VPS13B: variants seen among roughly 807,000 people sequenced by gnomAD.
VPS13B encodes the protein vacuolar protein sorting 13 homolog B.
Under a neutral mutation model 426.4 loss-of-function variants are expected in VPS13B, and 285 were observed. That is an observed-to-expected ratio of 0.67 (90% CI 0.61 to 0.74). The LOEUF (loss-of-function observed/expected upper bound fraction) is 0.74. Ranked by LOEUF, VPS13B falls within the 30% of genes least tolerant of loss-of-function variation. The probability of loss-of-function intolerance (pLI) is 0.00; values close to 1 mark genes in which losing one functional copy is unlikely to be tolerated. For synonymous variants in VPS13B, 1,676 were observed against 1,676.4 expected, an observed-to-expected ratio of 1.00 and a Z score of 0.01; for missense variants, 4,537 against 4,782.6, an observed-to-expected ratio of 0.95 and a Z score of 1.51.
chr8:99,372,149 G>C lies in VPS13B; in HGVS notation c.2825-12059G>C, dbSNP rs552325294. Among the ~76,000 whole-genome samples the C allele has an allele frequency of 4.6e-5, 7 of 151,554 alleles. No homozygotes were observed. In the South Asian group the frequency reaches 1.5e-3, roughly 32 times the overall value. On this transcript the variant is annotated intron_variant, in intron 19 of 61. Transcript: ENST00000357162. ...GCCTGTAGTCCCAGCTACTCGGGAG[G>C]CTGAGGCAGGAGAATGGCGTGAACC...
At chr8:99,503,224 A>G (rs1563765013) in intron 27 of VPS13B, among the ~76,000 whole-genome samples, 1 of 152,204 alleles carries the variant, frequency 6.6e-6, no homozygotes, top group Non-Finnish European at 1.5e-5. Flanking sequence ...GTATTTTAAA[A>G]TGTACATACC....
chr8:99,198,709 G>T (rs943318607), intron 17 of VPS13B, among the ~76,000 whole-genome samples: 2 of 152,042 alleles, frequency 1.3e-5, no homozygotes, highest in Admixed American at 1.3e-4. Flanking sequence ...ATGATGTTAA[G>T]ACATTTCTTT....
At position 99,103,042 on chromosome 8, in the gene VPS13B, G is replaced by A. The variant is rs750201290; in HGVS notation, c.502G>A (p.Val168Ile). ...LILKYVEDDIVLSVNITSAEC... is the reference protein window; with the variant it reads ...LILKYVEDDIILSVNITSAEC... ...ACTAAAATATGTTGAAGATGATATC[G>A]TCCTTTCCGTCAATATCACTTCTGC... is the stretch of plus-strand genomic sequence containing the variant. Residue 168 changes from valine to isoleucine, a missense_variant, in exon 5 of 62, where the codon GTC becomes ATC. Val to Ile is a conservative substitution (Grantham distance 29). Coordinates refer to ENST00000357162, the MANE Select transcript of VPS13B (RefSeq NM_152564.5). 6.8e-6 allele frequency: 11 copies of A among 1,613,544 alleles called. No individual in the cohort carries two copies. Among genetic ancestry groups the A allele is most frequent in the Non-Finnish European group, 9.3e-6 (11 of 1,179,712 alleles).
chr8:99,556,740 A>G (rs1824592829), intron 31 of VPS13B, 87 bp downstream of exon 31: 2 of 1,413,754 alleles, frequency 1.4e-6, no homozygotes, highest in Non-Finnish European at 2.0e-6. Flanking sequence ...TGTCCAACCA[A>G]CCTAAGTATT....
At position 99,487,691 on chromosome 8, in the gene VPS13B, C is replaced by T. The variant is rs185544658; in HGVS notation, c.3870+5889C>T. Among the ~76,000 whole-genome samples, 4 of 152,234 alleles carry T rather than the reference C, an allele frequency of 2.6e-5. No homozygotes were observed. The East Asian group carries it at 5.8e-4, about 22-fold the overall frequency. On this transcript the variant is annotated intron_variant, in intron 25 of 61. Coordinates refer to ENST00000357162, the MANE Select transcript of VPS13B (RefSeq NM_152564.5). ...TCTAGGTACTTCATATAAGAAGAAT[C>T]GTATGGTATTTGTCCTTTTGTGTCT...
At chr8:99,409,621 CAA>C (rs888622887) in intron 21 of VPS13B, among the ~76,000 whole-genome samples, 20 of 152,032 alleles carry the variant, frequency 1.3e-4, no homozygotes, top group Admixed American at 1.1e-3. Context: ...CTTTGGATTG[CAA>C]AGACCCCCAC....
chr8:99,432,233 A>C (rs1171981235), intron 22 of VPS13B, among the ~76,000 whole-genome samples: 1 of 152,130 alleles, frequency 6.6e-6, no homozygotes, highest in Admixed American at 6.5e-5. Flanking sequence ...TAACAGTTAT[A>C]AATTTTAGTT....
At chr8:99,141,007 C>G (rs1810391679) in intron 12 of VPS13B, among the ~76,000 whole-genome samples, 1 of 151,952 alleles carries the variant, frequency 6.6e-6, no homozygotes, top group Non-Finnish European at 1.5e-5. Context: ...ATGTTATGGA[C>G]CCTAAAGTAG....
Position 99,759,040 on chromosome 8 carries a change from C to A in VPS13B, c.7051-7734C>A, listed in dbSNP as rs146587503. ...TCTCATTTTCTCTAATTATATTCTC[C>A]TCATCCCTCTTTGTTGTTGCCATCT... On this transcript the variant is annotated intron_variant, in intron 39 of 61. Transcript: ENST00000357162. Among the ~76,000 whole-genome samples the A allele has an allele frequency of 3.9e-5, 6 of 152,134 alleles. No individual in the cohort carries two copies. The East Asian group carries it at 1.2e-3, about 29-fold the overall frequency.
intron 21 of VPS13B, among the ~76,000 whole-genome samples, chr8:99,417,156 A>C (rs1021380044): frequency 4.6e-5 from 7 of 152,130 alleles, no homozygotes; most frequent in African/African-American, 1.7e-4. Flanking sequence ...TGAACATTCA[A>C]ATTCTAGTAG....
intron 3 of VPS13B, among the ~76,000 whole-genome samples, chr8:99,076,238 T>C (rs981133784): frequency 3.3e-5 from 5 of 152,360 alleles, no homozygotes; most frequent in African/African-American, 1.2e-4. Flanking sequence ...ATGATTTTGA[T>C]TTTTAAAAAT....
intron 44 of VPS13B, among the ~76,000 whole-genome samples, chr8:99,814,255 G>T (rs1049868649): frequency 1.3e-5 from 2 of 152,210 alleles, no homozygotes; most frequent in Non-Finnish European, 2.9e-5. Flanking sequence ...ATAGGAAAAT[G>T]TATCAGTTAG....
chr8:99,673,279 A>AT (rs1198794548), intron 35 of VPS13B, among the ~76,000 whole-genome samples: 1 of 151,678 alleles, frequency 6.6e-6, no homozygotes, highest in African/African-American at 2.4e-5. Context: ...TTGATGGGAG[A>AT]TTTTTTATTA....
chr8:99,430,794 C>T (rs1034474354), intron 21 of VPS13B, among the ~76,000 whole-genome samples: 1 of 150,814 alleles, frequency 6.6e-6, no homozygotes, highest in Non-Finnish European at 1.5e-5. Flanking sequence ...CAGCTCATTG[C>T]AGCAACCTCT....
At chr8:99,236,871 C>T (rs564276246) in intron 17 of VPS13B, among the ~76,000 whole-genome samples, 1 of 152,266 alleles carries the variant, frequency 6.6e-6, no homozygotes, top group African/African-American at 2.4e-5. Context: ...AAAGTAGTTT[C>T]AAAAATTCCA....
intron 8 of VPS13B, among the ~76,000 whole-genome samples, chr8:99,128,385 CCAAAAAA>C (rs1809554640): frequency 2.7e-5 from 1 of 36,400 alleles, no homozygotes; most frequent in Non-Finnish European, 4.3e-5. Context: ...AGATACTGTC[CCAAAAAA>C]AAAAAAAAAA....
chr8:99,231,672 C>G (rs779699533), intron 17 of VPS13B, among the ~76,000 whole-genome samples: 38 of 151,990 alleles, frequency 2.5e-4, no homozygotes, highest in Non-Finnish European at 4.4e-4. Context: ...AATAAATGCT[C>G]CAACTATCAG....
chr8:99,508,226 C>T (rs982086953), intron 28 of VPS13B, among the ~76,000 whole-genome samples: 75 of 152,182 alleles, frequency 4.9e-4, no homozygotes, highest in African/African-American at 1.7e-3. Flanking sequence ...ATTCCTCTTA[C>T]GATTCTTAAT....
intron 36 of VPS13B, among the ~76,000 whole-genome samples, chr8:99,707,284 G>A (rs1218073134): frequency 6.6e-6 from 1 of 152,148 alleles, no homozygotes; most frequent in Non-Finnish European, 1.5e-5. Flanking sequence ...TTTCCCAAAT[G>A]AAGGCAAAAA....
Sources: allele counts gnomAD v4.1 joint callset (sites outside exome capture counted in the v4.1 genomes callset), GRCh38; gene constraint gnomAD v4.1.1; transcripts MANE v1.5; gene names NCBI Gene and HGNC (gene_info 2026-07-23, HGNC 2026-07-21).